CHD2: variants seen among roughly 807,000 people sequenced by gnomAD.
The protein encoded by CHD2 is chromodomain helicase DNA binding protein 2.
A neutral mutation model predicts 243.9 loss-of-function variants in CHD2; 28 were observed. The observed-to-expected ratio is 0.11, with a 90% CI of 0.09 to 0.16. The LOEUF is 0.16. Among genes scored for constraint, CHD2 ranks in the 10% least tolerant of loss-of-function variants. CHD2 has a pLI of 1.00. For synonymous variants in CHD2, 775 were observed against 779.0 expected (o/e 0.99, Z 0.09); for missense variants, 1,386 against 2,209.8 (o/e 0.63, Z 7.47).
chr15:93,017,541 C>G (rs1369571980), intron 37 of CHD2, among the ~76,000 whole-genome samples: 1 of 128,370 alleles, frequency 7.8e-6, no homozygotes, highest in African/African-American at 3.0e-5. Context: ...CAGACAGGGT[C>G]TCACCATGTT....
intron 2 of CHD2, among the ~76,000 whole-genome samples, chr15:92,910,536 G>C (rs1373801605): frequency 1.3e-5 from 2 of 152,038 alleles, no homozygotes; most frequent in Non-Finnish European, 2.9e-5. Flanking sequence ...GGGATCACAG[G>C]CGTTTGCCAC....
Position 92,978,400 on chromosome 15 carries a change from T to C in CHD2, c.2727+17T>C. 1 of 1,609,976 alleles carries C rather than the reference T, an allele frequency of 6.2e-7. No individual in the cohort carries two copies. The highest frequency in any genetic ancestry group is 8.5e-7 in the Non-Finnish European group (1 of 1,176,892). On this transcript the variant is annotated intron_variant, in intron 21 of 38. Coordinates refer to ENST00000394196, the MANE Select transcript of CHD2 (RefSeq NM_001271.4). ...AAGAAGCAGGTCAGTATGGAGAGGCTTCTGGAAATTGCTTTAGGGTTGGGG... is the reference window on the plus strand; with the variant it reads ...AAGAAGCAGGTCAGTATGGAGAGGCCTCTGGAAATTGCTTTAGGGTTGGGG...
chr15:93,019,985 A>G (rs2141895041), intron 37 of CHD2, 27 bp from the exon 38 acceptor site: 3 of 1,599,404 alleles, frequency 1.9e-6, no homozygotes, highest in Non-Finnish European at 2.6e-6. Context: ...TCTTGCAGTC[A>G]TCAGATCATT....
intron 31 of CHD2, among the ~76,000 whole-genome samples, chr15:93,000,100 GAC>G (rs2054234852): frequency 6.6e-6 from 1 of 152,062 alleles, no homozygotes; most frequent in African/African-American, 2.4e-5. Flanking sequence ...TTCTACTAAA[GAC>G]ACACAAAAAA....
In CHD2 at chr15:92,929,070, G is replaced by T. The variant is rs375500168; in HGVS notation, c.422G>T (p.Gly141Val). 6.2e-7 allele frequency: 1 copy of T among 1,609,890 alleles called. No individual in the cohort carries two copies. The highest frequency in any genetic ancestry group is 1.3e-5 in the African/African-American group (1 of 74,790). Residue 141 changes from glycine (G) to valine (V), a missense_variant, in exon 5 of 39, where the codon GGC becomes GTC. Transcript: ENST00000394196. ...GSESGSPKRR[G>V]QRQLKKQEKW... is the part of the protein sequence containing the mutation. ...GAGAGTGGGAGCCCAAAAAGAAGAG[G>T]CCAGAGGCAGCTGAAAAAACAGTAA... is the stretch of plus-strand genomic sequence containing the variant.
rs150926880 is a variant in CHD2, at chr15:92,940,407, A to G, written c.692+689A>G. 8.9e-3 allele frequency among the ~76,000 whole-genome samples: 1,358 copies of G among 152,298 alleles called. 18 individuals carry two copies. The highest frequency in any genetic ancestry group is 0.031 in the African/African-American group (1,285 of 41,560). On this transcript the variant is annotated intron_variant, in intron 7 of 38. Coordinates refer to ENST00000394196, the MANE Select transcript of CHD2 (RefSeq NM_001271.4). ...GGTTGCAGTGAGTTGAGATCACGCC[A>G]CTGCACTCCACTCCAGGCAAAAAAG... is the stretch of plus-strand genomic sequence containing the variant.
At chr15:92,985,437 G>T (rs2054030157) in intron 25 of CHD2, 61 bp from the exon 26 acceptor site, 22 of 1,496,490 alleles carry the variant, frequency 1.5e-5, no homozygotes, top group Non-Finnish European at 2.0e-5. Flanking sequence ...CCTTCTCTTA[G>T]TCCTTTCACC....
At chr15:92,994,012 T>A (rs1161076262) in intron 28 of CHD2, among the ~76,000 whole-genome samples, 1 of 152,166 alleles carries the variant, frequency 6.6e-6, no homozygotes, top group Non-Finnish European at 1.5e-5. Context: ...GAAATGAAGT[T>A]ATTATCATTC....
In CHD2 at chr15:92,964,508, G is replaced by C. The variant is rs546410591; in HGVS notation, c.2001-2817G>C. 5.9e-5 allele frequency among the ~76,000 whole-genome samples: 9 copies of C among 152,330 alleles called. No individual in the cohort carries two copies. The South Asian group carries it at 1.7e-3, about 28-fold the overall frequency. Reference sequence around the variant, plus strand: ...AAACTATTGTAAAGGAGAGAATTAGGTTTAGTCAAATAGCTTTGGAACTTC... The same window carrying C: ...AAACTATTGTAAAGGAGAGAATTAGCTTTAGTCAAATAGCTTTGGAACTTC... On this transcript the variant is annotated intron_variant, in intron 16 of 38. Transcript: ENST00000394196.
intron 26 of CHD2, among the ~76,000 whole-genome samples, chr15:92,986,459 G>A (rs2054044117): frequency 6.6e-6 from 1 of 151,838 alleles, no homozygotes; most frequent in Non-Finnish European, 1.5e-5. Context: ...TTCTTTCTTT[G>A]TTTAATTTAC....
At chr15:92,916,385 G>A (rs528503017) in intron 2 of CHD2, among the ~76,000 whole-genome samples, 2 of 152,316 alleles carry the variant, frequency 1.3e-5, no homozygotes, top group South Asian at 4.1e-4. Flanking sequence ...GCTGCATTTA[G>A]TTGCATAGTG....
Position 92,985,534 on chromosome 15 carries a change from A to C in CHD2, c.3274A>C (p.Lys1092Gln). ...TNDSDSDTESKRQAQRSSASE... is the reference protein window; with the variant it reads ...TNDSDSDTESQRQAQRSSASE... ...TGACAGTGACTCTGACACTGAGTCT[A>C]AGAGGCAGGCCCAGAGATCCTCTGC... Residue 1092 changes from lysine (K) to glutamine (Q), a missense_variant, in exon 26 of 39, where the codon AAG becomes CAG. Lys to Gln is a moderately conservative substitution (Grantham distance 53). Transcript: ENST00000394196. The C allele has an allele frequency of 6.2e-7, 1 of 1,614,064 alleles. No individual in the cohort carries two copies. Among genetic ancestry groups the C allele is most frequent in the South Asian group, 1.1e-5 (1 of 91,082 alleles).
chr15:93,008,579 A>G (rs2054351609), intron 34 of CHD2, among the ~76,000 whole-genome samples: 1 of 152,018 alleles, frequency 6.6e-6, no homozygotes, highest in Admixed American at 6.6e-5. Flanking sequence ...CGTGCTGCCA[A>G]TATTTTGTTG....
intron 34 of CHD2, among the ~76,000 whole-genome samples, chr15:93,005,968 C>G (rs957163083): frequency 1.3e-5 from 2 of 151,986 alleles, no homozygotes; most frequent in Non-Finnish European, 2.9e-5. Context: ...ATTATGAAAT[C>G]TTTAAAAGAT....
At chr15:92,936,837 CTT>C (rs35440500) in intron 5 of CHD2, among the ~76,000 whole-genome samples, 1 of 144,676 alleles carries the variant, frequency 6.9e-6, no homozygotes. Flanking sequence ...GCCCAGAAAT[CTT>C]TTTTTTTTTG....
chr15:92,910,455 C>T (rs1187002839), intron 2 of CHD2, among the ~76,000 whole-genome samples: 7 of 152,062 alleles, frequency 4.6e-5, no homozygotes, highest in Non-Finnish European at 1.0e-4. Context: ...TGCAGTGGCG[C>T]CGTCTCAGCT....
In CHD2 at chr15:92,938,181, C is replaced by T. The variant is rs373914652; in HGVS notation, c.551+556C>T. 5.3e-5 allele frequency among the ~76,000 whole-genome samples: 8 copies of T among 152,286 alleles called. No individual in the cohort carries two copies. The East Asian group carries it at 1.3e-3, about 26-fold the overall frequency. On this transcript the variant is annotated intron_variant, in intron 6 of 38. Transcript: ENST00000394196. ...TGCCCTTTGGGCCAAATTTCATCCA[C>T]CACCTATTTTCATATGGCCTGTGAG...
chr15:92,948,805 C>G, intron 12 of CHD2, 147 bp from the exon 13 acceptor site: 1 of 837,294 alleles, frequency 1.2e-6, no homozygotes, highest in Non-Finnish European at 1.8e-6. Flanking sequence ...GGCCACTGCA[C>G]TCCAGCCTGG....
chr15:92,979,595 T>G (rs1016181725), intron 22 of CHD2, among the ~76,000 whole-genome samples: 3 of 151,950 alleles, frequency 2.0e-5, no homozygotes, highest in Non-Finnish European at 4.4e-5. Flanking sequence ...TAATGTCACC[T>G]TTGACTTTTC....
Sources: allele counts gnomAD v4.1 joint callset (sites outside exome capture counted in the v4.1 genomes callset), GRCh38; gene constraint gnomAD v4.1.1; transcripts MANE v1.5; gene names NCBI Gene and HGNC (gene_info 2026-07-23, HGNC 2026-07-21).